ZNF385B: variants seen among roughly 807,000 people sequenced by gnomAD.
ZNF385B encodes the protein zinc finger protein 385B.
In ZNF385B, 23 loss-of-function variants were observed where a neutral mutation model predicts 39.2. The observed-to-expected ratio is 0.59, with a 90% CI of 0.42 to 0.83. The LOEUF (loss-of-function observed/expected upper bound fraction) is 0.83, where lower values mean the gene tolerates loss of function less well. ZNF385B is among the 40% of genes least tolerant of loss of function. ZNF385B has a pLI of 0.00. For missense variants in ZNF385B, 552 were observed against 598.9 expected, an observed-to-expected ratio of 0.92 and a Z score of 0.82; for synonymous variants, 205 against 222.6, an observed-to-expected ratio of 0.92 and a Z score of 0.70.
At chr2:179,485,513 C>A (rs564114232) in intron 5 of ZNF385B, among the ~76,000 whole-genome samples, 15 of 152,182 alleles carry the variant, frequency 9.9e-5, no homozygotes, top group Middle Eastern at 3.4e-3. Context: ...TGGTGAGCAC[C>A]ACTTCAATGC....
intron 1 of ZNF385B, among the ~76,000 whole-genome samples, chr2:179,775,463 C>T (rs1267515919): frequency 6.6e-6 from 1 of 152,158 alleles, no homozygotes; most frequent in East Asian, 1.9e-4. Flanking sequence ...TGAAATTATT[C>T]CTTAGCAATT....
intron 3 of ZNF385B, among the ~76,000 whole-genome samples, chr2:179,700,510 T>A (rs745598506): frequency 1.3e-5 from 2 of 152,194 alleles, no homozygotes; most frequent in Non-Finnish European, 2.9e-5. Flanking sequence ...TTTAATGTCA[T>A]CTTTTGATCT....
chr2:179,720,925 GTTTTT>G (rs56131510), intron 3 of ZNF385B, among the ~76,000 whole-genome samples: 1 of 70,134 alleles, frequency 1.4e-5, no homozygotes, highest in Non-Finnish European at 2.6e-5. Flanking sequence ...ATGCCTGGCT[GTTTTT>G]TTTTTTTTTT....
intron 3 of ZNF385B, among the ~76,000 whole-genome samples, chr2:179,733,968 A>G (rs1473332909): frequency 6.6e-6 from 1 of 152,124 alleles, no homozygotes; most frequent in East Asian, 1.9e-4. Flanking sequence ...GTATGTATAT[A>G]TGTACATACA....
intron 1 of ZNF385B, among the ~76,000 whole-genome samples, chr2:179,783,362 C>A (rs1475626181): frequency 6.6e-6 from 1 of 152,098 alleles, no homozygotes; most frequent in Admixed American, 6.6e-5. Context: ...AATGTAAAAG[C>A]AAAGACTATA....
chr2:179,750,241 T>A (rs183064583), intron 3 of ZNF385B, among the ~76,000 whole-genome samples: 8 of 152,206 alleles, frequency 5.3e-5, no homozygotes, highest in Admixed American at 5.2e-4. Flanking sequence ...TGAGACTTCA[T>A]CCTATTTCCA....
At chr2:179,472,399 A>G (rs1330340613) in intron 6 of ZNF385B, among the ~76,000 whole-genome samples, 2 of 152,230 alleles carry the variant, frequency 1.3e-5, no homozygotes, top group South Asian at 2.1e-4. Flanking sequence ...AAGAACAATG[A>G]TATTGTGCTA....
chr2:179,645,097 T>TTG, intron 3 of ZNF385B, among the ~76,000 whole-genome samples: 1 of 152,200 alleles, frequency 6.6e-6, no homozygotes, highest in Non-Finnish European at 1.5e-5. Context: ...GCAGAGAAGT[T>TTG]TGTGAAAAAC....
In ZNF385B at chr2:179,723,989, T is replaced by C. The variant is rs557597102; in HGVS notation, c.298+45514A>G. Among the ~76,000 whole-genome samples, 77 of 152,238 alleles carry C rather than the reference T, an allele frequency of 5.1e-4. 1 individual carries two copies. The highest frequency in any genetic ancestry group is 1.7e-3 in the African/African-American group (69 of 41,552). ...AGTATTACCAATTAGTACAATCTTA[T>C]GTTAGTGAAAATTAAAAGAAGCAAT... On this transcript the variant is annotated intron_variant, in intron 3 of 9. Coordinates refer to ENST00000410066, the MANE Select transcript of ZNF385B (RefSeq NM_152520.6).
intron 3 of ZNF385B, among the ~76,000 whole-genome samples, chr2:179,758,773 C>T (rs894366188): frequency 6.6e-6 from 1 of 152,192 alleles, no homozygotes; most frequent in African/African-American, 2.4e-5. Context: ...ATGTGTGAAG[C>T]CATCTAAAAC....
chr2:179,567,682 A>T (rs1252861728), intron 3 of ZNF385B, among the ~76,000 whole-genome samples: 1 of 152,176 alleles, frequency 6.6e-6, no homozygotes, highest in African/African-American at 2.4e-5. Flanking sequence ...GGGCTAGAAG[A>T]GCTGGAGAAA....
Position 179,769,486 on chromosome 2 carries a change from G to A in ZNF385B, c.298+17C>T, listed in dbSNP as rs775995742. On this transcript the variant is annotated intron_variant, in intron 3 of 9. Coordinates refer to ENST00000410066, the MANE Select transcript of ZNF385B (RefSeq NM_152520.6). ...TCTCTCCCCGCAGCACATGGAACCC[G>A]GGACCCTGCCTCCTACCTGTGCTGC... is the stretch of plus-strand genomic sequence containing the variant. 1.1e-5 allele frequency: 17 copies of A among 1,611,968 alleles called. No individual in the cohort carries two copies. The highest frequency in any genetic ancestry group is 8.9e-5 in the East Asian group (4 of 44,876).
intron 3 of ZNF385B, among the ~76,000 whole-genome samples, chr2:179,638,576 G>C (rs942924022): frequency 6.6e-6 from 1 of 152,058 alleles, no homozygotes. Context: ...TGAAATTGAG[G>C]GTAGCAGTAT....
At chr2:179,451,888 G>A (rs2050189260) in intron 6 of ZNF385B, among the ~76,000 whole-genome samples, 1 of 152,014 alleles carries the variant, frequency 6.6e-6, no homozygotes, top group Non-Finnish European at 1.5e-5. Context: ...GCCTCTTCGT[G>A]TATTTGAAAG....
intron 5 of ZNF385B, among the ~76,000 whole-genome samples, chr2:179,493,259 G>T (rs533041104): frequency 1.3e-5 from 2 of 152,058 alleles, no homozygotes; most frequent in Non-Finnish European, 2.9e-5. Context: ...TGACTTCTAG[G>T]AGCTTATAAT....
intron 3 of ZNF385B, among the ~76,000 whole-genome samples, chr2:179,567,034 G>A (rs928918657): frequency 4.0e-5 from 6 of 149,840 alleles, no homozygotes; most frequent in African/African-American, 7.4e-5. Context: ...CCCTGCTTCC[G>A]CCTCCCGAGT....
rs370441083 is a variant in ZNF385B, at chr2:179,769,537, G to T, written c.264C>A (p.Pro88=). Residue 88 remains proline, a synonymous_variant, in exon 3 of 10, where the codon CCC becomes CCA. Transcript: ENST00000410066. ...TGTTGCTGCTGGGGCTGGCCTGGGC[G>T]GGTGGTGGGGGCTGCCCATCACTCA... The part of the protein sequence containing the change: ...KQLSDGQPPP[P]AQASPSSNSS... 6.2e-7 allele frequency: 1 copy of T among 1,614,014 alleles called. No homozygotes were observed. The highest frequency in any genetic ancestry group is 1.7e-4 in the Middle Eastern group (1 of 6,028).
intron 3 of ZNF385B, among the ~76,000 whole-genome samples, chr2:179,689,857 A>G (rs1267733573): frequency 6.6e-6 from 1 of 151,558 alleles, no homozygotes; most frequent in Non-Finnish European, 1.5e-5. Flanking sequence ...CTTTGGTTCT[A>G]CACTTTCCTG....
rs145597072 is a variant in ZNF385B at position 179,571,843 on chromosome 2, G to A, written c.299-26874C>T. Among the ~76,000 whole-genome samples, 59 of 152,034 alleles carry A rather than the reference G, an allele frequency of 3.9e-4. 1 individual carries two copies. In the East Asian group the frequency reaches 9.3e-3, roughly 24 times the overall value. On this transcript the variant is annotated intron_variant, in intron 3 of 9. Coordinates refer to ENST00000410066, the MANE Select transcript of ZNF385B (RefSeq NM_152520.6). Reference sequence around the variant, plus strand: ...CTCTGGCCATATTCCTACCCAGTTCGTAGGCCAAAGGGATCGGCCCACATT... The same window carrying A: ...CTCTGGCCATATTCCTACCCAGTTCATAGGCCAAAGGGATCGGCCCACATT...
Sources: allele counts gnomAD v4.1 joint callset (sites outside exome capture counted in the v4.1 genomes callset), GRCh38; gene constraint gnomAD v4.1.1; transcripts MANE v1.5; gene names NCBI Gene and HGNC (gene_info 2026-07-23, HGNC 2026-07-21).